Variants in HOOK2 observed in about 807,000 individuals in gnomAD.
HOOK2 encodes the protein protein Hook homolog 2.
A neutral mutation model predicts 111.9 loss-of-function variants in HOOK2; 108 were observed. The ratio of observed to expected loss-of-function variants is 0.96; its 90% CI spans 0.83 to 1.13. The LOEUF is 1.13. Among genes scored for constraint, HOOK2 ranks in the 50% most tolerant of loss-of-function variants. The pLI is 0.00. For synonymous variants in HOOK2, 405 were observed against 394.3 expected (o/e 1.03, Z -0.32); for missense variants, 978 against 951.3 (o/e 1.03, Z -0.37).
Position 12,764,900 on chromosome 19 carries a change from C to A in HOOK2, c.1741G>T (p.Glu581Ter). 1 of 1,614,184 alleles carries A rather than the reference C, an allele frequency of 6.2e-7. No individual in the cohort carries two copies. The highest frequency in any genetic ancestry group is 8.5e-7 in the Non-Finnish European group (1 of 1,180,038). Residue 581 changes from glutamate to a stop codon, truncating the protein, a stop_gained, in exon 20 of 23, where the codon GAG becomes TAG. Transcript: ENST00000397668. LOFTEE classifies it high-confidence loss of function. ...TDSSTARRIE[E>*]LQHNLQKKDA... The stretch of plus-strand genomic sequence containing the variant: ...TTCTTCTGCAAGTTATGCTGCAGCT[C>A]CTCGATCCGCCGGGCTGCTGGCGGA...
At chr19:12,779,007 C>T (rs1968569291), upstream of HOOK2, among the ~76,000 whole-genome samples, 2 of 152,178 alleles carry the variant, frequency 1.3e-5, no homozygotes, top group South Asian at 4.1e-4. Context: ...AAAAACCCTC[C>T]ACATTTTGGA....
In HOOK2 at chr19:12,791,565, C is replaced by A. The variant is rs541994738; in HGVS notation, n.42-17340G>T. ...GGGGAAACGACGCCAGGAAAGCTAT[C>A]GCGCCAGAGAGGGCGACGGGGGCTC... On this transcript the variant is annotated intron_variant and non_coding_transcript_variant, in intron 3 of 3. Coordinates refer to the HOOK2 transcript ENST00000589765. The surrounding 1 kb of genome is among the most constrained non-coding windows in gnomAD (Gnocchi z 7.0). The A allele has an allele frequency of 8.0e-6, 4 of 502,956 alleles. No individual in the cohort carries two copies. Among genetic ancestry groups the A allele is most frequent in the African/African-American group, 4.1e-5 (2 of 48,880 alleles). 31.2% of individuals were successfully genotyped at this position (502,956 alleles called of 1,614,324 possible).
At chr19:12,773,183 G>A in intron 3 of HOOK2, 139 bp from the exon 4 acceptor site, 1 of 721,528 alleles carries the variant, frequency 1.4e-6, no homozygotes, top group South Asian at 1.7e-5. Context: ...CTCTAGGGGT[G>A]ACCTGTCTGG....
upstream of HOOK2, chr19:12,775,585 AG>A (rs1968480713): frequency 2.8e-6 from 2 of 708,744 alleles, no homozygotes; most frequent in South Asian, 7.7e-5. Flanking sequence ...CCCTAGGCGC[AG>A]GCCCCGCCCC....
At position 12,766,025 on chromosome 19, in the gene HOOK2, G is replaced by T; in HGVS notation, c.1512-11C>A. On this transcript the variant is annotated splice_polypyrimidine_tract_variant and intron_variant, in intron 15 of 22. Coordinates refer to ENST00000397668, the MANE Select transcript of HOOK2 (RefSeq NM_013312.3). Reference sequence around the variant, plus strand: ...TGCTGCTGGTTCAGCCTGCGAGGGTGGGGGGCCGCTTAGTGCCTGTGCCCA... The same window carrying T: ...TGCTGCTGGTTCAGCCTGCGAGGGTTGGGGGCCGCTTAGTGCCTGTGCCCA... 6.2e-7 allele frequency: 1 copy of T among 1,612,156 alleles called. No individual in the cohort carries two copies. Among genetic ancestry groups the T allele is most frequent in the South Asian group, 1.1e-5 (1 of 91,042 alleles).
rs757463362 is a variant in HOOK2 at position 12,766,177 on chromosome 19, C to G, written c.1437G>C (p.Arg479=). ...KRLCRQEAAD[R]ERQEELQRHL... ...GGCGCTGCAGCTCCTCCTGCCGCTC[C>G]CGGTCGGCCGCCTCCTGCCTGCACA... The change falls in exon 15 of 23, where the codon CGG becomes CGC. Residue 479 remains arginine, a synonymous_variant. Transcript: ENST00000397668. The G allele has an allele frequency of 1.8e-5, 28 of 1,597,798 alleles. No homozygotes were observed. Among genetic ancestry groups the G allele is most frequent in the Non-Finnish European group, 2.0e-5 (23 of 1,178,452 alleles).
upstream of HOOK2, among the ~76,000 whole-genome samples, chr19:12,779,548 G>C (rs1968575940): frequency 6.6e-6 from 1 of 152,168 alleles, no homozygotes; most frequent in Non-Finnish European, 1.5e-5. Context: ...GAGAGAAAGG[G>C]TTTTGCTATG....
At chr19:12,774,643 C>T in intron 3 of HOOK2, 26 bp downstream of exon 3, 3 of 1,612,754 alleles carry the variant, frequency 1.9e-6, no homozygotes, top group South Asian at 1.1e-5. Flanking sequence ...ACCAGTCTGT[C>T]CTCTAATCAG....
chr19:12,788,491 T>A (rs998832500), intron 3 of HOOK2, among the ~76,000 whole-genome samples: 2 of 152,166 alleles, frequency 1.3e-5, no homozygotes, highest in African/African-American at 4.8e-5. Context: ...AACCCATTTG[T>A]CTCTCTGGGC....
upstream of HOOK2, among the ~76,000 whole-genome samples, chr19:12,778,922 G>C (rs1968568548): frequency 6.6e-6 from 1 of 152,166 alleles, no homozygotes. Flanking sequence ...GAAGACAGCA[G>C]CAATCTCTGT....
intron 3 of HOOK2, among the ~76,000 whole-genome samples, chr19:12,783,507 C>G (rs1005710792): frequency 6.6e-6 from 1 of 152,026 alleles, no homozygotes; most frequent in African/African-American, 2.4e-5. Flanking sequence ...GCGCCCCCCT[C>G]GAGCCTGGCC....
chr19:12,779,115 G>A, upstream of HOOK2, among the ~76,000 whole-genome samples: 1 of 152,200 alleles, frequency 6.6e-6, no homozygotes. Flanking sequence ...GCCCTGGTGT[G>A]CAGGTCTGGG....
upstream of HOOK2, among the ~76,000 whole-genome samples, chr19:12,779,286 A>T (rs1385485728): frequency 6.6e-6 from 1 of 151,992 alleles, no homozygotes; most frequent in Non-Finnish European, 1.5e-5. Flanking sequence ...ACATCTGGGC[A>T]GGGATCCAGT....
At chr19:12,767,668 C>A in intron 13 of HOOK2, 148 bp downstream of exon 13, 1 of 854,534 alleles carries the variant, frequency 1.2e-6, no homozygotes, top group Non-Finnish European at 1.8e-6. Flanking sequence ...CTGAGCCTCT[C>A]TCTTCAATTT....
intron 11 of HOOK2, among the ~76,000 whole-genome samples, chr19:12,768,635 T>A (rs1968225552): frequency 1.3e-5 from 2 of 151,738 alleles, no homozygotes; most frequent in African/African-American, 2.4e-5. Flanking sequence ...AAAAAAAATT[T>A]AAAAATTTTT....
intron 10 of HOOK2, 125 bp from the exon 11 acceptor site, chr19:12,770,207 T>C: frequency 6.3e-6 from 5 of 793,928 alleles, no homozygotes; most frequent in Non-Finnish European, 7.4e-6. Context: ...GGTGAAGGGG[T>C]CATGAAAGTT....
upstream of HOOK2, among the ~76,000 whole-genome samples, chr19:12,783,203 T>G (rs1006871834): frequency 4.6e-5 from 7 of 151,764 alleles, no homozygotes; most frequent in Non-Finnish European, 1.5e-5. Context: ...CTACAGACAG[T>G]GGGGCCGAGA....
At position 12,772,880 on chromosome 19, in the gene HOOK2, G is replaced by T; in HGVS notation, c.288C>A (p.Leu96=). 6.2e-7 allele frequency: 1 copy of T among 1,614,208 alleles called. No individual in the cohort carries two copies. The highest frequency in any genetic ancestry group is 8.5e-7 in the Non-Finnish European group (1 of 1,180,050). ...ACTCTCCAATGAGGCTCACATCTGG[G>T]AGATGCTCTTCTGACACAGGATGCG... The part of the protein sequence containing the change: ...VLAHPVSEEH[L]PDVSLIGEFS... Residue 96 remains leucine (L), a synonymous_variant, in exon 5 of 23, where the codon CTC becomes CTA. Coordinates refer to ENST00000397668, the MANE Select transcript of HOOK2 (RefSeq NM_013312.3).
chr19:12,779,741 G>A (rs1281217871), upstream of HOOK2, among the ~76,000 whole-genome samples: 2 of 152,036 alleles, frequency 1.3e-5, no homozygotes, highest in African/African-American at 4.8e-5. Flanking sequence ...TGTGTCATAA[G>A]GCCTTCGAGT....
Sources: allele counts gnomAD v4.1 joint callset (sites outside exome capture counted in the v4.1 genomes callset), GRCh38; gene constraint gnomAD v4.1.1; non-coding constraint Gnocchi (gnomAD v3.1); transcripts MANE v1.5; gene names NCBI Gene and HGNC (gene_info 2026-07-23, HGNC 2026-07-21).